Variants in NRXN3 observed in about 807,000 individuals in gnomAD.
NRXN3 encodes the protein neurexin III.
In NRXN3, 32 loss-of-function variants were observed where a neutral mutation model predicts 137.6. That is an observed-to-expected ratio of 0.23 (90% CI 0.18 to 0.31). NRXN3 has a LOEUF of 0.31. Among genes scored for constraint, NRXN3 ranks in the 10% least tolerant of loss-of-function variants. The probability of loss-of-function intolerance (pLI) is 1.00; values close to 1 mark genes in which losing one functional copy is unlikely to be tolerated. For missense variants in NRXN3, 1,574 were observed against 2,062.5 expected, an observed-to-expected ratio of 0.76 and a Z score of 4.59; for synonymous variants, 798 against 784.5, an observed-to-expected ratio of 1.02 and a Z score of -0.29.
At chr14:78,192,977 G>T (rs2060885870) in intron 1 of NRXN3, among the ~76,000 whole-genome samples, 2 of 152,158 alleles carry the variant, frequency 1.3e-5, no homozygotes, top group Non-Finnish European at 2.9e-5. Context: ...ACAATATTTA[G>T]CAAGCTGAGA....
chr14:79,730,911 T>C (rs2098919711), intron 19 of NRXN3, among the ~76,000 whole-genome samples: 1 of 152,154 alleles, frequency 6.6e-6, no homozygotes, highest in Non-Finnish European at 1.5e-5. Context: ...AAAGCCAGTT[T>C]CCTCCACTGT....
chr14:78,976,044 AC>A (rs1353915913), intron 14 of NRXN3, among the ~76,000 whole-genome samples: 3 of 152,142 alleles, frequency 2.0e-5, no homozygotes, highest in African/African-American at 7.2e-5. Flanking sequence ...TTCAGAAGTA[AC>A]TTTCTAATTC....
chr14:78,545,476 T>C (rs1309127463), intron 4 of NRXN3, among the ~76,000 whole-genome samples: 4 of 152,196 alleles, frequency 2.6e-5, no homozygotes, highest in Admixed American at 6.5e-5. Context: ...TTCATATTAA[T>C]AACCTAGTAT....
At chr14:78,768,973 C>T (rs991060062) in intron 8 of NRXN3, among the ~76,000 whole-genome samples, 1 of 152,144 alleles carries the variant, frequency 6.6e-6, no homozygotes, top group African/African-American at 2.4e-5. Context: ...GTAATTGACT[C>T]AATCTCCTCC....
At chr14:78,341,361 A>G (rs1056032446) in intron 4 of NRXN3, among the ~76,000 whole-genome samples, 1 of 152,206 alleles carries the variant, frequency 6.6e-6, no homozygotes, top group South Asian at 2.1e-4. Context: ...GGTGATGCCC[A>G]TGCTGGTCCA....
chr14:78,958,448 C>T (rs542012073), intron 11 of NRXN3, among the ~76,000 whole-genome samples: 7 of 151,782 alleles, frequency 4.6e-5, no homozygotes, highest in East Asian at 1.9e-4. Context: ...CTCTGCCTCC[C>T]GGGTTCACGC....
intron 15 of NRXN3, among the ~76,000 whole-genome samples, chr14:79,290,842 G>C (rs1421091127): frequency 6.6e-6 from 1 of 152,086 alleles, no homozygotes; most frequent in Non-Finnish European, 1.5e-5. Flanking sequence ...CAATTGCTTT[G>C]AAACCCTGGT....
intron 15 of NRXN3, among the ~76,000 whole-genome samples, chr14:79,056,290 T>A (rs981350302): frequency 1.3e-5 from 2 of 152,338 alleles, no homozygotes; most frequent in South Asian, 2.1e-4. Flanking sequence ...TAGTAAGGAC[T>A]AATTGGAGAA....
intron 16 of NRXN3, among the ~76,000 whole-genome samples, chr14:79,559,481 T>G (rs916778261): frequency 1.3e-5 from 2 of 152,086 alleles, no homozygotes; most frequent in Admixed American, 1.3e-4. Context: ...AAACACACAT[T>G]TATCAATCCA....
chr14:79,115,054 G>A (rs2054181500), intron 15 of NRXN3, among the ~76,000 whole-genome samples: 1 of 152,000 alleles, frequency 6.6e-6, no homozygotes, highest in Non-Finnish European at 1.5e-5. Flanking sequence ...GGCCAGGCAC[G>A]GTGGCTCACG....
chr14:79,170,183 G>T (rs2061646665), intron 15 of NRXN3, among the ~76,000 whole-genome samples: 1 of 152,044 alleles, frequency 6.6e-6, no homozygotes, highest in Non-Finnish European at 1.5e-5. Context: ...TATTTGGTGA[G>T]GATACACAGG....
chr14:79,072,856 A>G (rs922841758), intron 15 of NRXN3, among the ~76,000 whole-genome samples: 1 of 147,044 alleles, frequency 6.8e-6, no homozygotes, highest in African/African-American at 2.5e-5. Flanking sequence ...TTGTTTTTCC[A>G]TGTGGTATGT....
At chr14:79,561,563 A>G (rs1478079740) in intron 16 of NRXN3, among the ~76,000 whole-genome samples, 2 of 152,142 alleles carry the variant, frequency 1.3e-5, no homozygotes, top group Middle Eastern at 3.2e-3. Flanking sequence ...TGATTCAAGT[A>G]TGATAGAATT....
chr14:78,552,022 T>G (rs573506849), intron 4 of NRXN3, among the ~76,000 whole-genome samples: 8 of 152,184 alleles, frequency 5.3e-5, no homozygotes, highest in African/African-American at 1.7e-4. Flanking sequence ...CTGCCTCCAG[T>G]GGTGGTTCTG....
At chr14:79,200,451 G>A (rs959838897) in intron 15 of NRXN3, among the ~76,000 whole-genome samples, 5 of 152,092 alleles carry the variant, frequency 3.3e-5, no homozygotes, top group African/African-American at 1.2e-4. Context: ...GAATAGTGAG[G>A]GTCTCAGAAC....
At chr14:79,166,612 T>C (rs1181937182) in intron 15 of NRXN3, among the ~76,000 whole-genome samples, 2 of 151,534 alleles carry the variant, frequency 1.3e-5, no homozygotes, top group Admixed American at 1.3e-4. Context: ...AAGAAGATTC[T>C]CTATTTTTAG....
chr14:79,185,623 G>A lies in NRXN3; in HGVS notation c.3262+197482G>A, dbSNP rs570928627. 6.6e-5 allele frequency among the ~76,000 whole-genome samples: 10 copies of A among 151,982 alleles called. No individual in the cohort carries two copies. The East Asian group carries it at 1.7e-3, about 26-fold the overall frequency. On this transcript the variant is annotated intron_variant, in intron 15 of 20. Coordinates refer to ENST00000335750, the MANE Select transcript of NRXN3 (RefSeq NM_001330195.2). Reference sequence around the variant, plus strand: ...TGGGACTACAGGCGCCCGCCACCACGCCCGGCTAATTTTTTGTATTTTTAG... The same window carrying A: ...TGGGACTACAGGCGCCCGCCACCACACCCGGCTAATTTTTTGTATTTTTAG...
intron 16 of NRXN3, among the ~76,000 whole-genome samples, chr14:79,496,233 TCTCTCACA>T (rs2096765498): frequency 1.4e-5 from 2 of 144,462 alleles, no homozygotes; most frequent in Non-Finnish European, 3.0e-5. Context: ...TCTCTCTCTC[TCTCTCACA>T]CACACACACA....
chr14:79,585,400 A>T (rs1319224538), intron 16 of NRXN3, among the ~76,000 whole-genome samples: 1 of 152,140 alleles, frequency 6.6e-6, no homozygotes, highest in East Asian at 1.9e-4. Flanking sequence ...AAACTTTGAT[A>T]AAGAGGCTGG....
Sources: allele counts gnomAD v4.1 joint callset (sites outside exome capture counted in the v4.1 genomes callset), GRCh38; gene constraint gnomAD v4.1.1; transcripts MANE v1.5; gene names NCBI Gene and HGNC (gene_info 2026-07-23, HGNC 2026-07-21).